Variants in TMEM132D observed in about 807,000 individuals in gnomAD.
The protein encoded by TMEM132D is transmembrane protein 132D.
Under a neutral mutation model 62.3 loss-of-function variants are expected in TMEM132D, and 21 were observed. The observed-to-expected ratio is 0.34, with a 90% CI of 0.24 to 0.49. The LOEUF is 0.49. TMEM132D is among the 20% of genes least tolerant of loss of function. TMEM132D has a pLI of 0.99. For missense variants in TMEM132D, 1,346 were observed against 1,402.8 expected, an observed-to-expected ratio of 0.96 and a Z score of 0.65; for synonymous variants, 621 against 575.6, an observed-to-expected ratio of 1.08 and a Z score of -1.13.
chr12:129,290,184 G>T (rs1881411551), intron 4 of TMEM132D, among the ~76,000 whole-genome samples: 1 of 152,090 alleles, frequency 6.6e-6, no homozygotes, highest in Admixed American at 6.5e-5. Flanking sequence ...GTTCGCAAGA[G>T]AGTCAATGTT....
chr12:129,456,877 T>C (rs958034244), intron 3 of TMEM132D, among the ~76,000 whole-genome samples: 1 of 152,166 alleles, frequency 6.6e-6, no homozygotes, highest in African/African-American at 2.4e-5. Flanking sequence ...AGCATCGTAT[T>C]AGACTTTTCT....
chr12:129,753,562 A>C (rs757114855), intron 1 of TMEM132D, among the ~76,000 whole-genome samples: 5 of 152,234 alleles, frequency 3.3e-5, no homozygotes, highest in Non-Finnish European at 5.9e-5. Flanking sequence ...AAATAATTTA[A>C]AATGCTTTTC....
intron 3 of TMEM132D, among the ~76,000 whole-genome samples, chr12:129,419,551 T>C (rs1399592611): frequency 2.6e-5 from 4 of 152,132 alleles, no homozygotes; most frequent in Non-Finnish European, 4.4e-5. Flanking sequence ...CCTGATAACA[T>C]CCTTTAAAAT....
At chr12:129,125,029 T>G (rs1197188248) in intron 5 of TMEM132D, among the ~76,000 whole-genome samples, 6 of 152,178 alleles carry the variant, frequency 3.9e-5, no homozygotes, top group African/African-American at 1.4e-4. Context: ...ATATTTACCT[T>G]AGGGATAAAG....
chr12:129,251,837 C>T (rs1423986880), intron 4 of TMEM132D, among the ~76,000 whole-genome samples: 1 of 152,096 alleles, frequency 6.6e-6, no homozygotes, highest in Non-Finnish European at 1.5e-5. Context: ...TCTACTTCTG[C>T]TAGTTGGACC....
At chr12:129,554,304 T>G (rs1378894288) in intron 2 of TMEM132D, among the ~76,000 whole-genome samples, 1 of 152,150 alleles carries the variant, frequency 6.6e-6, no homozygotes, top group Non-Finnish European at 1.5e-5. Flanking sequence ...CTCCCAGTAA[T>G]TTGAACCACA....
chr12:129,763,523 C>G (rs973380476), intron 1 of TMEM132D, among the ~76,000 whole-genome samples: 3 of 151,250 alleles, frequency 2.0e-5, no homozygotes, highest in African/African-American at 7.3e-5. Context: ...GCTATAAGGC[C>G]TACCTGTCCG....
chr12:129,249,313 TC>T (rs1880204771), intron 4 of TMEM132D, among the ~76,000 whole-genome samples: 2 of 152,224 alleles, frequency 1.3e-5, no homozygotes, highest in Non-Finnish European at 2.9e-5. Flanking sequence ...CTTCATGAGC[TC>T]CCATCCTCCT....
In TMEM132D at chr12:129,413,494, T is replaced by C. The variant is rs75869358; in HGVS notation, c.1116-75677A>G. On this transcript the variant is annotated intron_variant, in intron 3 of 8. Transcript: ENST00000422113. Reference sequence around the variant, plus strand: ...GCAGTATGAAAACAGACTAATATAATAAGTGACGTCATTTCCAACAATTTG... The same window carrying C: ...GCAGTATGAAAACAGACTAATATAACAAGTGACGTCATTTCCAACAATTTG... Among the ~76,000 whole-genome samples, 891 of 151,206 alleles carry C rather than the reference T, an allele frequency of 5.9e-3. 13 individuals are homozygous for C. Among genetic ancestry groups the C allele is most frequent in the African/African-American group, 0.02 (838 of 41,102 alleles).
chr12:129,274,288 G>A (rs1880942373), intron 4 of TMEM132D, among the ~76,000 whole-genome samples: 1 of 149,322 alleles, frequency 6.7e-6, no homozygotes, highest in South Asian at 2.1e-4. Flanking sequence ...AGCCCCTGCA[G>A]CAGCATTCTT....
intron 4 of TMEM132D, among the ~76,000 whole-genome samples, chr12:129,222,775 T>C (rs1047477640): frequency 1.3e-5 from 2 of 152,056 alleles, no homozygotes; most frequent in African/African-American, 4.8e-5. Flanking sequence ...ATGGGGAATT[T>C]TGGTTAAAGG....
intron 1 of TMEM132D, among the ~76,000 whole-genome samples, chr12:129,873,558 C>T (rs759997944): frequency 1.1e-4 from 17 of 152,324 alleles, no homozygotes; most frequent in Non-Finnish European, 1.6e-4. Flanking sequence ...AATGGCTAGA[C>T]GCTGAACCAG....
intron 1 of TMEM132D, among the ~76,000 whole-genome samples, chr12:129,707,356 GTC>G (rs1007175207): frequency 6.6e-6 from 1 of 151,162 alleles, no homozygotes; most frequent in African/African-American, 2.4e-5. Context: ...CATTTATATA[GTC>G]TCTCATACAA....
chr12:129,775,528 G>A (rs1024952678), intron 1 of TMEM132D, among the ~76,000 whole-genome samples: 3 of 152,180 alleles, frequency 2.0e-5, no homozygotes, highest in Non-Finnish European at 4.4e-5. Flanking sequence ...TTCTGCATCC[G>A]TTAGCATGTC....
chr12:129,558,632 A>C (rs971853098), intron 2 of TMEM132D, among the ~76,000 whole-genome samples: 1 of 152,162 alleles, frequency 6.6e-6, no homozygotes, highest in Non-Finnish European at 1.5e-5. Flanking sequence ...CCACACGGGA[A>C]AAGGGAATCT....
intron 3 of TMEM132D, among the ~76,000 whole-genome samples, chr12:129,376,394 C>G (rs1191086576): frequency 6.6e-6 from 1 of 152,134 alleles, no homozygotes; most frequent in African/African-American, 2.4e-5. Context: ...GTAAAAGGAG[C>G]AAAGCCCCTT....
chr12:129,150,284 C>T lies in TMEM132D; in HGVS notation c.1443+59236G>A, dbSNP rs145394270. Among the ~76,000 whole-genome samples the T allele has an allele frequency of 5.9e-5, 9 of 152,254 alleles. No homozygotes were observed. In the East Asian group the frequency reaches 7.7e-4, roughly 13 times the overall value. On this transcript the variant is annotated intron_variant, in intron 5 of 8. Transcript: ENST00000422113. ...AAGTCACTCCAGCTTCCCAGGACCC[C>T]GTGGGTGGGAGCTCCTAGAACAGCG...
chr12:129,459,278 T>C (rs1231095498), intron 3 of TMEM132D, among the ~76,000 whole-genome samples: 1 of 152,194 alleles, frequency 6.6e-6, no homozygotes, highest in Non-Finnish European at 1.5e-5. Flanking sequence ...ATTTGTTTTG[T>C]GCAGTCTTCA....
intron 2 of TMEM132D, among the ~76,000 whole-genome samples, chr12:129,588,738 C>T (rs1236386994): frequency 5.2e-5 from 2 of 38,734 alleles, no homozygotes; most frequent in East Asian, 1.8e-3. Context: ...CCACGCCCAG[C>T]TATTTTTTTC....
Sources: allele counts gnomAD v4.1 joint callset (sites outside exome capture counted in the v4.1 genomes callset), GRCh38; gene constraint gnomAD v4.1.1; transcripts MANE v1.5; gene names NCBI Gene and HGNC (gene_info 2026-07-23, HGNC 2026-07-21).